The following PGCKA1 variants were observed in gnomAD, a reference collection of about 807,000 sequenced individuals.
PGCKA1 encodes the protein PDCD10 and GCKIII kinases-associated protein 1.
chr4:37,506,727 GT>G, the PGCKA1 span, among the ~76,000 whole-genome samples: 1 of 151,746 alleles, frequency 6.6e-6, no homozygotes, highest in African/African-American at 2.4e-5. Context: ...AATGATCCTT[GT>G]GCTAAGGAAA....
At chr4:37,538,062 C>T in the PGCKA1 span, among the ~76,000 whole-genome samples, 2 of 137,706 alleles carry the variant, frequency 1.5e-5, no homozygotes, top group Admixed American at 1.4e-4. Flanking sequence ...ACCACCACAA[C>T]CCTGTCACAC....
the PGCKA1 span, among the ~76,000 whole-genome samples, chr4:37,459,988 C>G: frequency 6.6e-6 from 1 of 152,064 alleles, no homozygotes; most frequent in Non-Finnish European, 1.5e-5. Flanking sequence ...ATACTCTCCT[C>G]CCCCTGCCCT....
chr4:37,486,610 A>G, the PGCKA1 span, among the ~76,000 whole-genome samples: 18 of 152,208 alleles, frequency 1.2e-4, no homozygotes, highest in African/African-American at 4.3e-4. Flanking sequence ...AAGTGATAGT[A>G]TCATATGGCA....
At chr4:37,592,235 A>G in the PGCKA1 span, among the ~76,000 whole-genome samples, 6 of 149,966 alleles carry the variant, frequency 4.0e-5, no homozygotes. Flanking sequence ...AAAAGAGCTA[A>G]GCTAGGCACA....
the PGCKA1 span, among the ~76,000 whole-genome samples, chr4:37,541,046 A>G: frequency 6.8e-6 from 1 of 147,334 alleles, no homozygotes; most frequent in Non-Finnish European, 1.5e-5. Context: ...TCTGCAGAGA[A>G]GTCCCAGGCT....
At chr4:37,531,668 G>A in the PGCKA1 span, among the ~76,000 whole-genome samples, 5 of 151,464 alleles carry the variant, frequency 3.3e-5, no homozygotes, top group South Asian at 2.1e-4. Flanking sequence ...CGAGGCGGGC[G>A]GATCACGAGG....
chr4:37,474,582 A>G, the PGCKA1 span, among the ~76,000 whole-genome samples: 12 of 152,206 alleles, frequency 7.9e-5, no homozygotes, highest in African/African-American at 2.9e-4. Flanking sequence ...AGACTCCATT[A>G]TCATTTTGGT....
the PGCKA1 span, among the ~76,000 whole-genome samples, chr4:37,562,351 C>T: frequency 6.6e-6 from 1 of 152,182 alleles, no homozygotes. Flanking sequence ...TTTTAATCAT[C>T]TTCATTATTG....
the PGCKA1 span, chr4:37,590,026 C>A: frequency 8.7e-7 from 1 of 1,152,770 alleles, no homozygotes; most frequent in Non-Finnish European, 1.3e-6. Flanking sequence ...AGAAGCAGGG[C>A]CTGTGGTAAA....
the PGCKA1 span, among the ~76,000 whole-genome samples, chr4:37,517,227 G>A: frequency 6.7e-6 from 1 of 148,944 alleles, no homozygotes; most frequent in Non-Finnish European, 1.5e-5. Flanking sequence ...CTTCAGCATG[G>A]GCAACAAGAG....
At chr4:37,471,008 CACAA>C in the PGCKA1 span, among the ~76,000 whole-genome samples, 6 of 152,294 alleles carry the variant, frequency 3.9e-5, no homozygotes, top group Non-Finnish European at 5.9e-5. Context: ...GCATATTTTT[CACAA>C]ACAGAGAACT....
chr4:37,529,055 C>A, the PGCKA1 span, among the ~76,000 whole-genome samples: 1 of 152,098 alleles, frequency 6.6e-6, no homozygotes, highest in Non-Finnish European at 1.5e-5. Flanking sequence ...CATATTTGTG[C>A]TTTTATTTCA....
the PGCKA1 span, among the ~76,000 whole-genome samples, chr4:37,583,706 A>G: frequency 1.3e-5 from 2 of 152,140 alleles, no homozygotes; most frequent in Non-Finnish European, 2.9e-5. Context: ...CACAAAACAG[A>G]GTCAGCCCCC....
At chr4:37,468,708 C>T in the PGCKA1 span, among the ~76,000 whole-genome samples, 12 of 151,664 alleles carry the variant, frequency 7.9e-5, no homozygotes, top group South Asian at 1.9e-3. Context: ...ACATTATTTA[C>T]GTTACCATCT....
At chr4:37,518,111 A>T in the PGCKA1 span, among the ~76,000 whole-genome samples, 1 of 152,226 alleles carries the variant, frequency 6.6e-6, no homozygotes, top group African/African-American at 2.4e-5. Flanking sequence ...TTTATGGCTG[A>T]ATAGTATTCC....
At chr4:37,481,108 A>G in the PGCKA1 span, among the ~76,000 whole-genome samples, 5 of 152,350 alleles carry the variant, frequency 3.3e-5, no homozygotes, top group African/African-American at 9.6e-5. Flanking sequence ...TCTGGCAACA[A>G]TTACTAACTT....
the PGCKA1 span, chr4:37,460,902 T>TGTC: frequency 5.5e-5 from 22 of 400,924 alleles, no homozygotes; most frequent in African/African-American, 4.8e-4. Flanking sequence ...CATCATAAAA[T>TGTC]CTTTGCCCAT....
At chr4:37,528,359 G>A in the PGCKA1 span, among the ~76,000 whole-genome samples, 1 of 152,104 alleles carries the variant, frequency 6.6e-6, no homozygotes, top group Admixed American at 6.5e-5. Context: ...CAATAGCTGT[G>A]AGCCACAGAG....
At chr4:37,582,769 T>C in the PGCKA1 span, among the ~76,000 whole-genome samples, 9 of 152,218 alleles carry the variant, frequency 5.9e-5, no homozygotes, top group Admixed American at 3.9e-4. Flanking sequence ...GTTAAGGCGC[T>C]GTATGCCGGG....
Sources: gnomAD v4.1 joint callset for allele counts (sites outside exome capture counted in the v4.1 genomes callset) on GRCh38, gnomAD v4.1.1 for gene constraint, MANE v1.5 for transcripts, NCBI Gene and HGNC (gene_info 2026-07-23, HGNC 2026-07-21) for gene names.